The following IRAG1 variants were observed in gnomAD, a reference collection of about 807,000 sequenced individuals.
IRAG1 encodes the protein IP3R-associated cGMP kinase substrate.
Under a neutral mutation model 106.2 loss-of-function variants are expected in IRAG1, and 62 were observed. That is an observed-to-expected ratio of 0.58 (90% confidence interval 0.48 to 0.72). The LOEUF (loss-of-function observed/expected upper bound fraction) is 0.72. Among genes scored for constraint, IRAG1 ranks in the 30% least tolerant of loss-of-function variants. The pLI, the probability that IRAG1 is intolerant of heterozygous loss-of-function variation, is 0.00. For missense variants in IRAG1, 1,064 were observed against 1,140.7 expected, an observed-to-expected ratio of 0.93 and a Z score of 0.97; for synonymous variants, 462 against 443.9, an observed-to-expected ratio of 1.04 and a Z score of -0.51.
chr11:10,683,465 A>G (rs930738940), intron 1 of IRAG1, among the ~76,000 whole-genome samples: 9 of 152,162 alleles, frequency 5.9e-5, no homozygotes, highest in Non-Finnish European at 1.3e-4. Flanking sequence ...AAAATTTAAT[A>G]TAATAATTCA....
intron 18 of IRAG1, among the ~76,000 whole-genome samples, chr11:10,587,903 G>A (rs367589267): frequency 6.6e-5 from 10 of 152,196 alleles, no homozygotes; most frequent in African/African-American, 2.2e-4. Flanking sequence ...TACCAGCTGT[G>A]TAACCTCAGG....
At chr11:10,580,349 C>G (rs1469721068) in intron 20 of IRAG1, 106 bp downstream of exon 20, 3 of 1,518,950 alleles carry the variant, frequency 2.0e-6, no homozygotes, top group Non-Finnish European at 2.6e-6. Context: ...GCCCCAGATT[C>G]ACTGCTGCCC....
chr11:10,688,268 T>C (rs934994464), intron 1 of IRAG1, among the ~76,000 whole-genome samples: 13 of 152,056 alleles, frequency 8.5e-5, no homozygotes, highest in East Asian at 5.8e-4. Context: ...ACACTTTCCA[T>C]AGGGACACTG....
chr11:10,642,798 G>C (rs566323509), intron 2 of IRAG1, among the ~76,000 whole-genome samples: 235 of 152,322 alleles, frequency 1.5e-3, no homozygotes, highest in African/African-American at 5.4e-3. Flanking sequence ...GTAGCCTGGA[G>C]GGCAAACAGG....
rs1409433261 is a variant in IRAG1 at position 10,603,141 on chromosome 11, C to T, written c.1854G>A (p.Glu618=). The change falls in exon 14 of 21, where the codon GAG becomes GAA. Residue 618 remains glutamate, a synonymous_variant. Transcript: ENST00000423302. ...TCACCTGGCGGACGGCGCCTACCAC[C>T]TCAGCTCGGCTGGAGAGGCGGGCAG... is the stretch of plus-strand genomic sequence containing the variant. ...RLAARLSSRA[E]VVGAVRQEKR... is the part of the protein sequence containing the mutation. 8 of 1,611,226 alleles carry T rather than the reference C, an allele frequency of 5.0e-6. No homozygotes were observed. Among genetic ancestry groups the T allele is most frequent in the South Asian group, 1.1e-5 (1 of 90,662 alleles).
intron 4 of IRAG1, chr11:10,630,118 G>A (rs528282027): frequency 3.3e-4 from 52 of 158,390 alleles, no homozygotes; most frequent in African/African-American, 1.1e-3. Flanking sequence ...CATTGGCCAC[G>A]GCCACAACCC....
chr11:10,623,861 G>A lies in IRAG1; in HGVS notation c.1369-5C>T. ...ATTTCTCATCAGGATGTGCTCCTTT[G>A]TGGTAAAAGAAAGAGATAACAATTT... On this transcript the variant is annotated splice_region_variant and splice_polypyrimidine_tract_variant and intron_variant, in intron 9 of 20. Transcript: ENST00000423302. 1 of 1,613,192 alleles carries A rather than the reference G, an allele frequency of 6.2e-7. No individual in the cohort carries two copies. The highest frequency in any genetic ancestry group is 1.1e-5 in the South Asian group (1 of 91,066).
chr11:10,608,818 A>G lies in IRAG1; in HGVS notation c.1571+910T>C, dbSNP rs541211469. 4.6e-5 allele frequency among the ~76,000 whole-genome samples: 7 copies of G among 152,304 alleles called. No individual in the cohort carries two copies. The South Asian group carries it at 1.2e-3, about 27-fold the overall frequency. On this transcript the variant is annotated intron_variant, in intron 11 of 20. Coordinates refer to ENST00000423302, the MANE Select transcript of IRAG1 (RefSeq NM_130385.4). ...ACTTTCTTGACACTGTTTGCAGCAC[A>G]GAAGTTTTTATTTTGAGGAAGTACT...
chr11:10,600,719 G>C (rs1305682711), intron 15 of IRAG1, among the ~76,000 whole-genome samples, 199 bp downstream of exon 15: 7 of 152,356 alleles, frequency 4.6e-5, no homozygotes, highest in East Asian at 1.9e-4. Context: ...CTTTGGAAAG[G>C]CTCATGTTTC....
intron 12 of IRAG1, 97 bp downstream of exon 12, chr11:10,606,645 C>T: frequency 8.0e-7 from 1 of 1,247,604 alleles, no homozygotes; most frequent in Admixed American, 2.7e-5. Context: ...TCATTTTTGT[C>T]TAAAAATGTC....
chr11:10,603,066 C>T, intron 14 of IRAG1, 54 bp downstream of exon 14: 2 of 1,565,490 alleles, frequency 1.3e-6, no homozygotes, highest in African/African-American at 1.3e-5. Context: ...GGTGATTGCT[C>T]TACTTTACGT....
chr11:10,639,443 G>A (rs993098105), intron 2 of IRAG1, among the ~76,000 whole-genome samples: 7 of 152,154 alleles, frequency 4.6e-5, no homozygotes, highest in South Asian at 2.1e-4. Context: ...TAATGAAGCC[G>A]TGATCCACGT....
chr11:10,626,446 G>A lies in IRAG1; in HGVS notation c.888C>T (p.Leu296=). Residue 296 remains leucine (L), a synonymous_variant, in exon 9 of 21, where the codon CTC becomes CTT. Coordinates refer to ENST00000423302, the MANE Select transcript of IRAG1 (RefSeq NM_130385.4). ...CTTTGGGTGTGGTCTCGGGGTACTG[G>A]AGGGGATCGAAGTTTTCCTTTTGTT... The part of the protein sequence containing the change: ...AIEQKENFDP[L]QYPETTPKGL... The A allele has an allele frequency of 1.2e-6, 2 of 1,613,886 alleles. No homozygotes were observed. Among genetic ancestry groups the A allele is most frequent in the Non-Finnish European group, 1.7e-6 (2 of 1,179,838 alleles).
chr11:10,620,782 C>G (rs573636333), intron 10 of IRAG1, among the ~76,000 whole-genome samples: 1 of 152,242 alleles, frequency 6.6e-6, no homozygotes, highest in African/African-American at 2.4e-5. Flanking sequence ...TACTCTTTAA[C>G]CTTGTGATTC....
intron 1 of IRAG1, among the ~76,000 whole-genome samples, chr11:10,655,535 C>G (rs1858851808): frequency 6.6e-6 from 1 of 152,180 alleles, no homozygotes. Flanking sequence ...ATGAAACAGG[C>G]TGTTCTTTAA....
In IRAG1 at chr11:10,593,511, A is replaced by G; in HGVS notation, c.2156T>C (p.Ile719Thr). The G allele has an allele frequency of 6.2e-7, 1 of 1,613,198 alleles. No homozygotes were observed. The highest frequency in any genetic ancestry group is 2.2e-5 in the East Asian group (1 of 44,862). Reference sequence around the variant, plus strand: ...ACTTACCAAGGCTGGTAAGGAGGGAATGGATGATGAGCTGGGAGTTTGGCC... The same window carrying G: ...ACTTACCAAGGCTGGTAAGGAGGGAGTGGATGATGAGCTGGGAGTTTGGCC... Reference protein sequence around the residue: ...LPGQTPSSSSIPSLPALSESP... With the variant: ...LPGQTPSSSSTPSLPALSESP... Residue 719 changes from isoleucine (I) to threonine (T), a missense_variant, in exon 17 of 21, where the codon ATT (isoleucine) becomes ACT (threonine). Transcript: ENST00000423302.
intron 1 of IRAG1, chr11:10,690,187 C>T (rs1220954721): frequency 1.9e-5 from 6 of 321,886 alleles, no homozygotes; most frequent in South Asian, 7.1e-5. Context: ...GTCAGGAGTT[C>T]GAGACCAGCC....
chr11:10,574,511 A>G lies in IRAG1; in HGVS notation c.*1821T>C, dbSNP rs898615977. The G allele has an allele frequency of 6.6e-6, 1 of 152,144 alleles. No homozygotes were observed. The highest frequency in any genetic ancestry group is 1.5e-5 in the Non-Finnish European group (1 of 68,038). 9.4% of individuals were successfully genotyped at this position (152,144 alleles called of 1,614,324 possible). A position where few individuals can be genotyped will look rare whatever the true frequency, so the allele number is the denominator to read the frequency against. The stretch of plus-strand genomic sequence containing the variant: ...AAGGTCAATAATAATAATGTTTAAA[A>G]CGTGCCAGAAAGCACAGAGGAGTGT... On this transcript the variant is annotated 3_prime_UTR_variant, in exon 21 of 21. Coordinates refer to ENST00000423302, the MANE Select transcript of IRAG1 (RefSeq NM_130385.4).
chr11:10,620,980 A>T (rs1291187427), intron 10 of IRAG1, among the ~76,000 whole-genome samples: 1 of 152,072 alleles, frequency 6.6e-6, no homozygotes, highest in Non-Finnish European at 1.5e-5. Flanking sequence ...AATAACAAGT[A>T]AAAAAAAGAA....
Sources: gnomAD v4.1 joint callset for allele counts (sites outside exome capture counted in the v4.1 genomes callset) on GRCh38, gnomAD v4.1.1 for gene constraint, MANE v1.5 for transcripts, NCBI Gene and HGNC (gene_info 2026-07-23, HGNC 2026-07-21) for gene names.